Variants in PSD3 observed in about 807,000 individuals in gnomAD.
PSD3 encodes the protein pleckstrin and Sec7 domain containing 3, also known as PH and SEC7 domain-containing protein 3.
A neutral mutation model predicts 105.5 loss-of-function variants in PSD3; 49 were observed. That is an observed-to-expected ratio of 0.46 (90% CI 0.37 to 0.59). The LOEUF (loss-of-function observed/expected upper bound fraction) is 0.59, where lower values mean the gene tolerates loss of function less well. Ranked by LOEUF, PSD3 falls within the 20% of genes least tolerant of loss-of-function variation. PSD3 has a pLI of 0.00. For synonymous variants in PSD3, 557 were observed against 457.8 expected (o/e 1.22, Z -2.77); for missense variants, 1,561 against 1,263.8 (o/e 1.24, Z -3.57).
chr8:19,049,492 C>A (rs1828440937), intron 1 of PSD3, among the ~76,000 whole-genome samples: 4 of 152,022 alleles, frequency 2.6e-5, no homozygotes, highest in Non-Finnish European at 1.5e-5. Flanking sequence ...AAGTTCAGGA[C>A]CAGCCCAGAC....
chr8:19,009,558 A>T (rs1420708127), intron 1 of PSD3, among the ~76,000 whole-genome samples: 1 of 152,172 alleles, frequency 6.6e-6, no homozygotes, highest in Non-Finnish European at 1.5e-5. Flanking sequence ...AAAACGCCCC[A>T]TGCCAGGAAA....
chr8:18,896,590 T>G (rs1162563799), intron 2 of PSD3, among the ~76,000 whole-genome samples: 1 of 152,056 alleles, frequency 6.6e-6, no homozygotes, highest in African/African-American at 2.4e-5. Flanking sequence ...TTTTTGTATT[T>G]TTTGTAGAGA....
rs1004277583 is a variant in PSD3, at chr8:18,530,580, T to G, written c.*5163A>C. ...TTTTATGGACTAATTACAACAACAATAAAGAACGTGTGCTTTAAAGCATCA... is the reference window on the plus strand; with the variant it reads ...TTTTATGGACTAATTACAACAACAAGAAAGAACGTGTGCTTTAAAGCATCA... On this transcript the variant is annotated 3_prime_UTR_variant, in exon 16 of 16. Transcript: ENST00000327040. 3.9e-5 allele frequency: 6 copies of G among 152,572 alleles called. No individual in the cohort carries two copies. The highest frequency in any genetic ancestry group is 8.8e-5 in the Non-Finnish European group (6 of 68,018). 9.5% of individuals were successfully genotyped at this position (152,572 alleles called of 1,614,324 possible).
At chr8:18,963,270 T>C (rs1482607543) in intron 1 of PSD3, among the ~76,000 whole-genome samples, 1 of 152,126 alleles carries the variant, frequency 6.6e-6, no homozygotes, top group African/African-American at 2.4e-5. Flanking sequence ...CAAGATGAGA[T>C]TTGGGTGGGG....
chr8:18,900,392 T>G (rs1045810709), intron 2 of PSD3, among the ~76,000 whole-genome samples: 5 of 152,192 alleles, frequency 3.3e-5, no homozygotes, highest in African/African-American at 4.8e-5. Flanking sequence ...TTCCTTTTCT[T>G]TTCTTACAAC....
chr8:18,578,551 A>G (rs1452802799), intron 12 of PSD3, among the ~76,000 whole-genome samples: 1 of 152,080 alleles, frequency 6.6e-6, no homozygotes, highest in African/African-American at 2.4e-5. Context: ...TATATATCAC[A>G]ATGTCTAACA....
chr8:18,542,067 C>T (rs1465301772), intron 15 of PSD3, among the ~76,000 whole-genome samples: 9 of 152,060 alleles, frequency 5.9e-5, no homozygotes, highest in African/African-American at 1.9e-4. Context: ...GAATCTCTTA[C>T]GTAGTAGTAC....
chr8:18,666,737 G>T (rs911294672), intron 9 of PSD3, among the ~76,000 whole-genome samples: 1 of 147,208 alleles, frequency 6.8e-6, no homozygotes, highest in African/African-American at 2.5e-5. Context: ...GGGGTGGGGG[G>T]AAGTAGCTGG....
intron 2 of PSD3, among the ~76,000 whole-genome samples, chr8:18,880,388 T>C (rs1485849219): frequency 6.6e-6 from 1 of 152,086 alleles, no homozygotes; most frequent in Non-Finnish European, 1.5e-5. Flanking sequence ...ACATGAAAAG[T>C]CTGTTTGGCA....
chr8:18,865,225 T>C (rs1204725726), intron 4 of PSD3: 9 of 4,532 alleles, frequency 2.0e-3, no homozygotes, highest in African/African-American at 4.9e-3. Flanking sequence ...GATTCTATGT[T>C]ATATATATAT....
chr8:19,043,299 C>A (rs1828189880), intron 1 of PSD3, among the ~76,000 whole-genome samples: 1 of 152,156 alleles, frequency 6.6e-6, no homozygotes, highest in South Asian at 2.1e-4. Context: ...AGTTCAAGGT[C>A]AAAAACCTTT....
At chr8:18,876,410 A>T (rs1817736856) in intron 2 of PSD3, among the ~76,000 whole-genome samples, 1 of 151,974 alleles carries the variant, frequency 6.6e-6, no homozygotes, top group Non-Finnish European at 1.5e-5. Context: ...TTTTTGAGAC[A>T]GGGTCTCACT....
chr8:18,640,518 C>T (rs1046794808), intron 10 of PSD3, among the ~76,000 whole-genome samples: 4 of 152,114 alleles, frequency 2.6e-5, no homozygotes, highest in Non-Finnish European at 5.9e-5. Flanking sequence ...TTTTATAAGG[C>T]CCTTCACCTT....
intron 9 of PSD3, chr8:18,762,948 C>G: frequency 1.6e-6 from 2 of 1,283,614 alleles, no homozygotes; most frequent in Non-Finnish European, 2.0e-6. Flanking sequence ...AAAGACACCT[C>G]CAATATTTCT....
At chr8:18,999,225 C>G (rs151063426) in intron 1 of PSD3, among the ~76,000 whole-genome samples, 1 of 151,916 alleles carries the variant, frequency 6.6e-6, no homozygotes, top group Admixed American at 6.6e-5. Flanking sequence ...GTTATGTATA[C>G]AGCAGAAATT....
chr8:18,974,053 T>C (rs1182667185), intron 1 of PSD3, among the ~76,000 whole-genome samples: 1 of 152,154 alleles, frequency 6.6e-6, no homozygotes, highest in Non-Finnish European at 1.5e-5. Flanking sequence ...ATACAAATGA[T>C]AAAATAACTC....
At chr8:19,011,769 T>TA (rs71545539) in intron 1 of PSD3, among the ~76,000 whole-genome samples, 236 of 147,628 alleles carry the variant, frequency 1.6e-3, no homozygotes, top group Middle Eastern at 7.1e-3. Context: ...TGCTCGCATT[T>TA]AAAAAAAAAA....
At chr8:18,769,140 T>G (rs1807275216) in intron 8 of PSD3, among the ~76,000 whole-genome samples, 1 of 152,218 alleles carries the variant, frequency 6.6e-6, no homozygotes, top group South Asian at 2.1e-4. Flanking sequence ...ATGATATACC[T>G]TGGCAATACC....
intron 9 of PSD3, among the ~76,000 whole-genome samples, chr8:18,755,487 A>G (rs73199960): frequency 0.025 from 1,980 of 80,802 alleles, 19 homozygotes; most frequent in Middle Eastern, 0.053. Flanking sequence ...CATAACATAA[A>G]AATGCTCCAA....
Sources: gnomAD v4.1 joint callset for allele counts (sites outside exome capture counted in the v4.1 genomes callset) on GRCh38, gnomAD v4.1.1 for gene constraint, MANE v1.5 for transcripts, NCBI Gene and HGNC (gene_info 2026-07-23, HGNC 2026-07-21) for gene names.